SIRPB1: variants seen among roughly 807,000 people sequenced by gnomAD.
SIRPB1 encodes signal-regulatory protein beta-1.
In SIRPB1, 28 loss-of-function variants were observed where a neutral mutation model predicts 34.1. The observed-to-expected ratio is 0.82, with a 90% confidence interval of 0.61 to 1.12. The LOEUF (loss-of-function observed/expected upper bound fraction) is 1.12, where lower values mean the gene tolerates loss of function less well. SIRPB1 is among the 50% of genes most tolerant of loss of function. SIRPB1 has a pLI of 0.00. For synonymous variants in SIRPB1, 211 were observed against 203.8 expected, an observed-to-expected ratio of 1.04 and a Z score of -0.30; for missense variants, 499 against 507.0, an observed-to-expected ratio of 0.98 and a Z score of 0.15.
Position 1,570,934 on chromosome 20 carries a change from T to G in SIRPB1, c.955A>C (p.Thr319Pro), listed in dbSNP as rs527735821. Residue 319 changes from threonine to proline, a missense_variant, in exon 4 of 6, where the codon ACC becomes CCC. By Grantham distance (38) the Thr-to-Pro change is conservative. Transcript: ENST00000381605. ...YNWMSWLLVN[T>P]CAHRDDVVLT... ...ACCACATCGTCCCTGTGGGCACAGG[T>G]GTTCACCAGGAGCCAGCTCATCCAG... The G allele has an allele frequency of 6.2e-7, 1 of 1,614,138 alleles. No homozygotes were observed. The highest frequency in any genetic ancestry group is 1.3e-5 in the African/African-American group (1 of 75,028).
intron 2 of SIRPB1, 85 bp downstream of exon 2, chr20:1,578,253 C>T (rs2091345778): frequency 1.4e-6 from 2 of 1,422,190 alleles, no homozygotes; most frequent in African/African-American, 1.4e-5. Context: ...ACCACCACAC[C>T]TGGCTGTTGC....
Position 1,566,238 on chromosome 20 carries a change from G to C in SIRPB1, c.1114C>G (p.Leu372Val). 6.2e-7 allele frequency: 1 copy of C among 1,610,586 alleles called. No homozygotes were observed. The highest frequency in any genetic ancestry group is 8.5e-7 in the Non-Finnish European group (1 of 1,178,628). ...TTGGGGCCCAGGAGGAGAGCTACGA[G>C]GAGTGGAGCAGTAGGAGCCAGCGCT... Reference protein sequence around the residue: ...EAALAPTAPLLVALLLGPKLL... With the variant: ...EAALAPTAPLVVALLLGPKLL... Residue 372 changes from leucine to valine, a missense_variant, in exon 5 of 6, where the codon CTC becomes GTC. By Grantham distance (32) the Leu-to-Val change is conservative (BLOSUM62 1). Transcript: ENST00000381605.
intron 1 of SIRPB1, chr20:1,603,982 G>A (rs2091489335): frequency 1.6e-6 from 1 of 609,750 alleles, no homozygotes; most frequent in Non-Finnish European, 2.2e-6. Context: ...TACCATCCTT[G>A]TTTTCTGTAA....
At chr20:1,569,776 T>A (rs560379688) in intron 4 of SIRPB1, among the ~76,000 whole-genome samples, 2 of 152,228 alleles carry the variant, frequency 1.3e-5, no homozygotes, top group Non-Finnish European at 2.9e-5. Flanking sequence ...ATGGCTTCTA[T>A]GCTGGGGTTG....
rs576918467 is a variant in SIRPB1 at position 1,583,184 on chromosome 20, G to A, written c.77-4490C>T. On this transcript the variant is annotated intron_variant, in intron 1 of 5. Coordinates refer to ENST00000381605, the MANE Select transcript of SIRPB1 (RefSeq NM_006065.5). ...CCACATCACCTCCCTGCCCTCATGA[G>A]CAGCATCTGCGGAAATTTCATGGAA... Among the ~76,000 whole-genome samples, 11 of 48,986 alleles carry A rather than the reference G, an allele frequency of 2.2e-4. 5 individuals carry two copies. The highest frequency in any genetic ancestry group is 2.8e-4 in the Non-Finnish European group (7 of 25,420). The allele number at this position is 48,986 out of a possible 152,430, so 32.1% of individuals were successfully genotyped here. A position where few individuals can be genotyped will look rare whatever the true frequency, so the allele number is the denominator to read the frequency against.
rs1345059947 is a variant in SIRPB1 at position 1,603,431 on chromosome 20, G to C, written c.76+16438C>G. Among the ~76,000 whole-genome samples, 4 of 49,356 alleles carry C rather than the reference G, an allele frequency of 8.1e-5. 2 individuals are homozygous for C. Among genetic ancestry groups the C allele is most frequent in the Non-Finnish European group, 1.6e-4 (4 of 25,544 alleles). 32.4% of individuals were successfully genotyped at this position (49,356 alleles called of 152,430 possible). On this transcript the variant is annotated intron_variant, in intron 1 of 5. Transcript: ENST00000381605. Reference sequence around the variant, plus strand: ...AGATGCAGGAGTCTGCAGGGGGCAGGTCACAGATATGAATGGAAAAGTTTA... The same window carrying C: ...AGATGCAGGAGTCTGCAGGGGGCAGCTCACAGATATGAATGGAAAAGTTTA...
chr20:1,578,195 A>G, intron 2 of SIRPB1, 143 bp downstream of exon 2: 1 of 918,758 alleles, frequency 1.1e-6, no homozygotes, highest in South Asian at 1.5e-5. Flanking sequence ...AACTCATGTG[A>G]TCTGGAGAAA....
chr20:1,617,952 TAC>T (rs2091654287), intron 1 of SIRPB1, among the ~76,000 whole-genome samples: 3 of 152,144 alleles, frequency 2.0e-5, no homozygotes, highest in Admixed American at 2.0e-4. Context: ...CACATATGTA[TAC>T]ACACATTTGC....
rs1216519943 is a variant in SIRPB1, at chr20:1,564,722, C to G, written c.*778G>C. 3 of 393,268 alleles carry G rather than the reference C, an allele frequency of 7.6e-6. No individual in the cohort carries two copies. Among genetic ancestry groups the G allele is most frequent in the African/African-American group, 2.1e-5 (1 of 48,516 alleles). 24.4% of individuals were successfully genotyped at this position (393,268 alleles called of 1,614,324 possible). A position where few individuals can be genotyped will look rare whatever the true frequency, so the allele number is the denominator to read the frequency against. On this transcript the variant is annotated 3_prime_UTR_variant, in exon 6 of 6. Coordinates refer to ENST00000381605, the MANE Select transcript of SIRPB1 (RefSeq NM_006065.5). ...TAACTGTTGGCAGTGTGAAATTGGTCAGGTTGGGAGTTATTACACTAGAGA... is the reference window on the plus strand; with the variant it reads ...TAACTGTTGGCAGTGTGAAATTGGTGAGGTTGGGAGTTATTACACTAGAGA...
intron 1 of SIRPB1, among the ~76,000 whole-genome samples, chr20:1,615,041 G>A: frequency 6.6e-6 from 1 of 152,162 alleles, no homozygotes; most frequent in Non-Finnish European, 1.5e-5. Context: ...GAAGATTCAT[G>A]TGATATGCAT....
At position 1,566,948 on chromosome 20, in the gene SIRPB1, C is replaced by A. The variant is rs369123054; in HGVS notation, c.1085-681G>T. Among the ~76,000 whole-genome samples the A allele has an allele frequency of 2.6e-5, 4 of 152,130 alleles. No individual in the cohort carries two copies. In the South Asian group the frequency reaches 8.3e-4, roughly 32 times the overall value. On this transcript the variant is annotated intron_variant, in intron 4 of 5. Transcript: ENST00000381605. ...GGCTTGGAAGGGCCTCAGACATCAT[C>A]TCTCCTACCTCAACCCCAGTGCAGA... is the stretch of plus-strand genomic sequence containing the variant.
At position 1,565,164 on chromosome 20, in the gene SIRPB1, T is replaced by C; in HGVS notation, c.*336A>G. ...AGGAATCCAGAAGACAGGATAACTC[T>C]TGAGAGCCTGGAGAGAGTCTGTGGT... On this transcript the variant is annotated 3_prime_UTR_variant, in exon 6 of 6. Transcript: ENST00000381605. The C allele has an allele frequency of 2.5e-6, 1 of 397,818 alleles. No individual in the cohort carries two copies. Among genetic ancestry groups the C allele is most frequent in the Non-Finnish European group, 4.4e-6 (1 of 226,102 alleles). The allele number at this position is 397,818 out of a possible 1,614,324, so 24.6% of individuals were successfully genotyped here.
Position 1,610,123 on chromosome 20 carries a change from C to T in SIRPB1, c.76+9746G>A, listed in dbSNP as rs2091549926. 2.8e-5 allele frequency among the ~76,000 whole-genome samples: 2 copies of T among 72,704 alleles called. 1 individual carries two copies. The allele number at this position is 72,704 out of a possible 152,430, so 47.7% of individuals were successfully genotyped here. ...TCTCGATATGGAATGACAGGGCTTA[C>T]ATTTGGGAGAAGTTTTCCAATCACA... On this transcript the variant is annotated intron_variant, in intron 1 of 5. Transcript: ENST00000381605.
Position 1,588,535 on chromosome 20 carries a change from G to T in SIRPB1, c.77-9841C>A, listed in dbSNP as rs1218718719. ...TATAGCCCTGCCAGCGGAGAGAAAG[G>T]GTTCTAGCCCAAGGCAATGCTTACC... On this transcript the variant is annotated intron_variant, in intron 1 of 5. Transcript: ENST00000381605. The T allele has an allele frequency of 1.4e-5, 8 of 579,702 alleles. 4 individuals are homozygous for T. The highest frequency in any genetic ancestry group is 6.7e-5 in the Admixed American group (2 of 29,708). The allele number at this position is 579,702 out of a possible 1,614,324, so 35.9% of individuals were successfully genotyped here.
chr20:1,613,855 A>G (rs2091592583), intron 1 of SIRPB1, among the ~76,000 whole-genome samples: 1 of 152,222 alleles, frequency 6.6e-6, no homozygotes, highest in Non-Finnish European at 1.5e-5. Flanking sequence ...TTCACAGACT[A>G]GATAAAATAC....
At chr20:1,567,664 T>C (rs992834669) in intron 4 of SIRPB1, among the ~76,000 whole-genome samples, 1 of 152,236 alleles carries the variant, frequency 6.6e-6, no homozygotes, top group Non-Finnish European at 1.5e-5. Context: ...GCTGTTGTGT[T>C]GCGATTGATA....
At chr20:1,613,747 C>T (rs1436762320) in intron 1 of SIRPB1, among the ~76,000 whole-genome samples, 5 of 151,926 alleles carry the variant, frequency 3.3e-5, no homozygotes, top group African/African-American at 1.2e-4. Context: ...GAGACGTTAT[C>T]AAATGTATCA....
intron 4 of SIRPB1, among the ~76,000 whole-genome samples, chr20:1,569,769 G>T (rs1285270063): frequency 3.9e-5 from 6 of 152,240 alleles, no homozygotes; most frequent in Non-Finnish European, 7.3e-5. Flanking sequence ...AGCTTTAATG[G>T]CTTCTATGCT....
At chr20:1,577,395 C>A (rs2091328965) in intron 2 of SIRPB1, among the ~76,000 whole-genome samples, 1 of 147,880 alleles carries the variant, frequency 6.8e-6, no homozygotes, top group African/African-American at 2.5e-5. Context: ...AGTCTCCCAT[C>A]TGTAAAGGGG....
Sources: allele counts gnomAD v4.1 joint callset (sites outside exome capture counted in the v4.1 genomes callset), GRCh38; gene constraint gnomAD v4.1.1; transcripts MANE v1.5; gene names NCBI Gene and HGNC (gene_info 2026-07-23, HGNC 2026-07-21).